Variants in ASXL2 observed in about 807,000 individuals in gnomAD.
ASXL2 encodes the protein putative Polycomb group protein ASXL2.
In ASXL2, 23 loss-of-function variants were observed where a neutral mutation model predicts 122.0. That is an observed-to-expected ratio of 0.19 (90% CI 0.14 to 0.27). ASXL2 has a LOEUF of 0.27. Among genes scored for constraint, ASXL2 ranks in the 10% least tolerant of loss-of-function variants. The pLI, the probability that ASXL2 is intolerant of heterozygous loss-of-function variation, is 1.00. For missense variants in ASXL2, 1,518 were observed against 1,713.8 expected (o/e 0.89, Z 2.02); for synonymous variants, 650 against 637.0 (o/e 1.02, Z -0.31).
At chr2:25,807,986 TACACACACACACACACACAC>T (rs147273836) in intron 3 of ASXL2, among the ~76,000 whole-genome samples, 2 of 131,822 alleles carry the variant, frequency 1.5e-5, no homozygotes, top group Admixed American at 7.5e-5. Context: ...AATCAGCTTT[TACACACACACACACACACAC>T]ACACACACAC....
chr2:25,788,832 A>G (rs2088788375), intron 5 of ASXL2, among the ~76,000 whole-genome samples: 1 of 151,800 alleles, frequency 6.6e-6, no homozygotes, highest in African/African-American at 2.4e-5. Flanking sequence ...TGTTGCATAT[A>G]TTTATTCCAA....
intron 8 of ASXL2, 119 bp from the exon 9 acceptor site, chr2:25,759,764 G>A (rs759540054): frequency 5.8e-5 from 60 of 1,028,454 alleles, no homozygotes; most frequent in African/African-American, 1.4e-4. Context: ...ATCACACTAC[G>A]AAGAAGGTAA....
Position 25,736,035 on chromosome 2 carries a change from C to T in ASXL2, c.*5994G>A, listed in dbSNP as rs1018974039. 6.6e-6 allele frequency: 1 copy of T among 152,208 alleles called. No homozygotes were observed. The highest frequency in any genetic ancestry group is 6.5e-5 in the Admixed American group (1 of 15,284). The allele number at this position is 152,208 out of a possible 1,614,324, so 9.4% of individuals were successfully genotyped here. Reference sequence around the variant, plus strand: ...AACTTACATGACTATTTTTGCTTACCTTTGCATAACCAGCACTTTAGTGCT... The same window carrying T: ...AACTTACATGACTATTTTTGCTTACTTTTGCATAACCAGCACTTTAGTGCT... On this transcript the variant is annotated 3_prime_UTR_variant, in exon 13 of 13. Transcript: ENST00000435504.
chr2:25,877,885 G>A (rs1408687872), intron 1 of ASXL2, among the ~76,000 whole-genome samples: 1 of 152,230 alleles, frequency 6.6e-6, no homozygotes, highest in Non-Finnish European at 1.5e-5. Context: ...GGCTACCACA[G>A]AGCGGAGGTG....
chr2:25,844,663 T>A (rs1447128243), intron 2 of ASXL2, among the ~76,000 whole-genome samples: 8 of 150,632 alleles, frequency 5.3e-5, no homozygotes, highest in Non-Finnish European at 1.0e-4. Context: ...TTTTTTTTTT[T>A]ACAAGACAGC....
At chr2:25,846,328 C>G (rs576388757) in intron 1 of ASXL2, among the ~76,000 whole-genome samples, 58 of 152,154 alleles carry the variant, frequency 3.8e-4, no homozygotes, top group Non-Finnish European at 6.5e-4. Flanking sequence ...TGCAAGGGGT[C>G]CTACAAGCAT....
intron 1 of ASXL2, among the ~76,000 whole-genome samples, chr2:25,875,785 T>G (rs746699938): frequency 2.6e-5 from 4 of 152,200 alleles, no homozygotes; most frequent in Non-Finnish European, 5.9e-5. Context: ...CTTGACATCC[T>G]AATGCCTAAG....
chr2:25,752,955 G>C (rs1347512941), intron 11 of ASXL2, among the ~76,000 whole-genome samples: 1 of 149,962 alleles, frequency 6.7e-6, no homozygotes, highest in East Asian at 1.9e-4. Context: ...TTAATTCAAA[G>C]TTTTTTTAGA....
intron 2 of ASXL2, among the ~76,000 whole-genome samples, chr2:25,843,058 T>C (rs1048369410): frequency 1.3e-4 from 19 of 151,188 alleles, no homozygotes; most frequent in Non-Finnish European, 2.5e-4. Flanking sequence ...CCCAGCACTT[T>C]GGGAGGCCAA....
intron 7 of ASXL2, 53 bp from the exon 8 acceptor site, chr2:25,767,779 A>C (rs1322551225): frequency 5.1e-6 from 8 of 1,574,016 alleles, no homozygotes; most frequent in Admixed American, 1.7e-5. Context: ...TATAGACAGA[A>C]TCAATTAATC....
At chr2:25,873,340 G>A (rs184711288) in intron 1 of ASXL2, among the ~76,000 whole-genome samples, 2 of 152,134 alleles carry the variant, frequency 1.3e-5, no homozygotes, top group African/African-American at 2.4e-5. Context: ...GAACCCAGGA[G>A]GCAGAGGTTG....
At chr2:25,802,246 C>T (rs2089010660) in intron 4 of ASXL2, among the ~76,000 whole-genome samples, 2 of 152,196 alleles carry the variant, frequency 1.3e-5, no homozygotes, top group South Asian at 2.1e-4. Flanking sequence ...TATATTATCA[C>T]ATTTTTTAAA....
intron 5 of ASXL2, among the ~76,000 whole-genome samples, chr2:25,789,587 A>C (rs2088800100): frequency 6.6e-6 from 1 of 152,130 alleles, no homozygotes; most frequent in Admixed American, 6.5e-5. Context: ...GTGTACTTTA[A>C]TGAATACAAG....
Position 25,742,286 on chromosome 2 carries a change from A to T in ASXL2, c.4051T>A (p.Ser1351Thr), listed in dbSNP as rs1159718744. 6.2e-7 allele frequency: 1 copy of T among 1,613,988 alleles called. No homozygotes were observed. Among genetic ancestry groups the T allele is most frequent in the Non-Finnish European group, 8.5e-7 (1 of 1,179,894 alleles). Residue 1351 changes from serine to threonine, a missense_variant, in exon 13 of 13, where the codon TCT becomes ACT. Physicochemically the swap from Ser to Thr is moderately conservative, Grantham distance 58. Around this residue, in one of 8 missense-constraint regions of ASXL2, gnomAD observed 831 missense variants for 833.1 expected, o/e 1.00. Transcript: ENST00000435504. ...HNSAVPGSQVSSNVGDVMSFS... is the reference protein window; with the variant it reads ...HNSAVPGSQVTSNVGDVMSFS... ...GACATGACATCACCTACATTGCTAG[A>T]TACCTGGCTACCTGGTACAGCAGAG... is the stretch of plus-strand genomic sequence containing the variant.
chr2:25,773,097 C>T (rs985046653), intron 5 of ASXL2, among the ~76,000 whole-genome samples: 22 of 151,100 alleles, frequency 1.5e-4, no homozygotes, highest in African/African-American at 5.3e-4. Context: ...TAATCCCAGG[C>T]ACTCAGGAGG....
chr2:25,760,641 C>T (rs1341959494), intron 8 of ASXL2, among the ~76,000 whole-genome samples: 1 of 152,088 alleles, frequency 6.6e-6, no homozygotes, highest in Non-Finnish European at 1.5e-5. Flanking sequence ...GTGGGTACAC[C>T]CTCTGCCTCC....
At chr2:25,820,859 C>T (rs1056416855) in intron 3 of ASXL2, among the ~76,000 whole-genome samples, 2 of 151,932 alleles carry the variant, frequency 1.3e-5, no homozygotes, top group Admixed American at 1.3e-4. Context: ...CTTGTCTCTA[C>T]AAAAAATGTA....
intron 11 of ASXL2, among the ~76,000 whole-genome samples, chr2:25,750,742 C>T (rs1442252165): frequency 6.6e-6 from 1 of 152,192 alleles, no homozygotes; most frequent in Non-Finnish European, 1.5e-5. Context: ...TTGCCTAACA[C>T]ATAATGAAAG....
intron 11 of ASXL2, among the ~76,000 whole-genome samples, chr2:25,752,845 CAAAAAAAGAAAAAAA>C (rs2088068695): frequency 9.7e-6 from 1 of 102,710 alleles, no homozygotes; most frequent in South Asian, 3.3e-4. Flanking sequence ...AACTCTGTCT[CAAAAAAAGAAAAAAA>C]AAAAAAAGAA....
Sources: allele counts gnomAD v4.1 joint callset (sites outside exome capture counted in the v4.1 genomes callset), GRCh38; gene constraint gnomAD v4.1.1; regional missense constraint gnomAD v4.1.1; transcripts MANE v1.5; gene names NCBI Gene and HGNC (gene_info 2026-07-23, HGNC 2026-07-21).